The following ZRANB1 variants were observed in gnomAD, a reference collection of about 807,000 sequenced individuals.
The protein encoded by ZRANB1 is ubiquitin thioesterase ZRANB1.
A neutral mutation model predicts 80.5 loss-of-function variants in ZRANB1; 16 were observed. That is an observed-to-expected ratio of 0.20 (90% CI 0.13 to 0.30). The LOEUF is 0.30. Among genes scored for constraint, ZRANB1 ranks in the 10% least tolerant of loss-of-function variants. The pLI, the probability that ZRANB1 is intolerant of heterozygous loss-of-function variation, is 1.00. For synonymous variants in ZRANB1, 291 were observed against 293.1 expected (o/e 0.99, Z 0.07); for missense variants, 576 against 862.6 (o/e 0.67, Z 4.16).
intron 2 of ZRANB1, among the ~76,000 whole-genome samples, chr10:124,967,194 T>A (rs1037906765): frequency 1.3e-5 from 2 of 152,242 alleles, no homozygotes; most frequent in African/African-American, 4.8e-5. Context: ...CCCTGGTAGA[T>A]GTAAATGCCA....
At chr10:124,953,770 C>T (rs1452640269) in intron 1 of ZRANB1, among the ~76,000 whole-genome samples, 1 of 152,110 alleles carries the variant, frequency 6.6e-6, no homozygotes, top group Non-Finnish European at 1.5e-5. Flanking sequence ...AGCTCAGTTG[C>T]AGATCTGTGT....
the ZRANB1 span, among the ~76,000 whole-genome samples, chr10:124,925,196 C>A: frequency 6.6e-6 from 1 of 152,214 alleles, no homozygotes; most frequent in Non-Finnish European, 1.5e-5. Context: ...AGGCGTGAGC[C>A]ACTGCTCCCT....
At chr10:124,967,239 T>G (rs1951784214) in intron 2 of ZRANB1, among the ~76,000 whole-genome samples, 1 of 152,180 alleles carries the variant, frequency 6.6e-6, no homozygotes, top group Admixed American at 6.5e-5. Context: ...TTTTGAGGTG[T>G]CTTGTCGTCT....
At chr10:124,918,918 T>C in the ZRANB1 span, among the ~76,000 whole-genome samples, 1 of 152,218 alleles carries the variant, frequency 6.6e-6, no homozygotes, top group East Asian at 1.9e-4. Flanking sequence ...GGATGTTATC[T>C]GAGTGTCATG....
intron 5 of ZRANB1, among the ~76,000 whole-genome samples, chr10:124,980,586 A>G (rs912636048): frequency 6.6e-6 from 1 of 152,242 alleles, no homozygotes; most frequent in East Asian, 1.9e-4. Flanking sequence ...AAGAATATAC[A>G]TATTTTAATT....
rs773708416 is a variant in ZRANB1 at position 124,984,812 on chromosome 10, G to A, written c.1947G>A (p.Glu649=). The A allele has an allele frequency of 5.0e-6, 8 of 1,613,896 alleles. 1 individual carries two copies. The Admixed American group carries it at 1.2e-4, about 24-fold the overall frequency. The change falls in exon 9 of 9, where the codon GAG becomes GAA. Residue 649 remains glutamate (E), a synonymous_variant. Coordinates refer to ENST00000359653, the MANE Select transcript of ZRANB1 (RefSeq NM_017580.3). ...NEEQQEKLLR[E]WLDCCVTEGG... is the part of the protein sequence containing the mutation. The stretch of plus-strand genomic sequence containing the variant: ...AACAGCAAGAAAAACTGCTCAGGGA[G>A]TGGCTGGACTGCTGTGTGACGGAGG...
chr10:124,946,315 G>A, intron 1 of ZRANB1: 2 of 153,036 alleles, frequency 1.3e-5, no homozygotes, highest in Admixed American at 6.5e-5. Flanking sequence ...CTACCTGGGA[G>A]GCTGAGGCAG....
chr10:124,927,362 C>T, the ZRANB1 span, among the ~76,000 whole-genome samples: 1 of 152,198 alleles, frequency 6.6e-6, no homozygotes, highest in Non-Finnish European at 1.5e-5. Flanking sequence ...CTTAGTGTTG[C>T]ACAGTAAAAG....
the ZRANB1 span, among the ~76,000 whole-genome samples, chr10:124,919,644 C>G: frequency 5.4e-5 from 7 of 129,464 alleles, no homozygotes; most frequent in African/African-American, 1.5e-4. Context: ...TGTAGTCTCT[C>G]TCTGTCACCC....
At chr10:124,940,104 C>G (rs74160977), upstream of ZRANB1, among the ~76,000 whole-genome samples, 5 of 152,170 alleles carry the variant, frequency 3.3e-5, no homozygotes, top group African/African-American at 9.7e-5. Context: ...TAACTTAGCA[C>G]TGCCAAATTA....
intron 1 of ZRANB1, among the ~76,000 whole-genome samples, chr10:124,960,794 C>T (rs781292862): frequency 1.3e-5 from 2 of 152,140 alleles, no homozygotes; most frequent in East Asian, 1.9e-4. Context: ...CAGTTTCTCT[C>T]GGCCTACCTG....
intron 4 of ZRANB1, 28 bp downstream of exon 4, chr10:124,973,744 T>A (rs1270459717): frequency 6.3e-7 from 1 of 1,595,638 alleles, no homozygotes; most frequent in Non-Finnish European, 8.6e-7. Flanking sequence ...GAGTATAATT[T>A]ACCTTTCATC....
intron 1 of ZRANB1, among the ~76,000 whole-genome samples, chr10:124,958,977 C>T (rs1200307551): frequency 6.6e-6 from 1 of 152,210 alleles, no homozygotes. Flanking sequence ...CACCTGGCCT[C>T]AGTTACTTTG....
At position 124,981,696 on chromosome 10, in the gene ZRANB1, C is replaced by T; in HGVS notation, c.1428-13C>T. 1.9e-6 allele frequency: 3 copies of T among 1,588,454 alleles called. No individual in the cohort carries two copies. Among genetic ancestry groups the T allele is most frequent in the Non-Finnish European group, 2.6e-6 (3 of 1,172,518 alleles). Reference sequence around the variant, plus strand: ...GACTATTTATTTATTTTTTTACTATCCTGCTTTTTTAGGTTTTACACACGC... The same window carrying T: ...GACTATTTATTTATTTTTTTACTATTCTGCTTTTTTAGGTTTTACACACGC... On this transcript the variant is annotated splice_polypyrimidine_tract_variant and intron_variant, in intron 5 of 8. Coordinates refer to ENST00000359653, the MANE Select transcript of ZRANB1 (RefSeq NM_017580.3).
At chr10:124,950,630 T>C (rs1951630859) in intron 1 of ZRANB1, among the ~76,000 whole-genome samples, 1 of 152,206 alleles carries the variant, frequency 6.6e-6, no homozygotes, top group African/African-American at 2.4e-5. Flanking sequence ...ATATGGTGTC[T>C]GTCCACTCTA....
chr10:124,936,222 A>G, the ZRANB1 span, among the ~76,000 whole-genome samples: 1 of 152,226 alleles, frequency 6.6e-6, no homozygotes, highest in Non-Finnish European at 1.5e-5. Context: ...CTGTTGCAGA[A>G]GAGCCTCAGA....
At chr10:124,953,218 G>C (rs1032662689) in intron 1 of ZRANB1, among the ~76,000 whole-genome samples, 1 of 151,798 alleles carries the variant, frequency 6.6e-6, no homozygotes, top group African/African-American at 2.4e-5. Flanking sequence ...GAGCCACTGT[G>C]TCCAGCCAAC....
intron 1 of ZRANB1, among the ~76,000 whole-genome samples, chr10:124,961,992 T>TGAATCTCAGAACAGTTCA (rs1951737868): frequency 6.6e-6 from 1 of 152,238 alleles, no homozygotes; most frequent in Non-Finnish European, 1.5e-5. Flanking sequence ...AGATTGTTCC[T>TGAATCTCAGAACAGTTCA]GTGCTTTTGC....
chr10:124,922,126 A>G, the ZRANB1 span, among the ~76,000 whole-genome samples: 3 of 151,452 alleles, frequency 2.0e-5, no homozygotes, highest in Non-Finnish European at 4.4e-5. Context: ...AATTTTTTGT[A>G]GAGACAAGAT....
Sources: gnomAD v4.1 joint callset for allele counts (sites outside exome capture counted in the v4.1 genomes callset) on GRCh38, gnomAD v4.1.1 for gene constraint, MANE v1.5 for transcripts, NCBI Gene and HGNC (gene_info 2026-07-23, HGNC 2026-07-21) for gene names.